The following LRFN5 variants were observed in gnomAD, a reference collection of about 807,000 sequenced individuals.
LRFN5 encodes the protein leucine-rich repeat and fibronectin type-III domain-containing protein 5.
In LRFN5, 24 loss-of-function variants were observed where a neutral mutation model predicts 45.6. The observed-to-expected ratio is 0.53, with a 90% confidence interval of 0.38 to 0.74. LRFN5 has a LOEUF of 0.74. Among genes scored for constraint, LRFN5 ranks in the 30% least tolerant of loss-of-function variants. LRFN5 has a pLI of 0.00. For synonymous variants in LRFN5, 340 were observed against 313.8 expected (o/e 1.08, Z -0.88); for missense variants, 776 against 861.5 (o/e 0.90, Z 1.24).
intron 1 of LRFN5, among the ~76,000 whole-genome samples, chr14:41,638,774 A>C (rs1879426945): frequency 6.6e-6 from 1 of 152,080 alleles, no homozygotes; most frequent in South Asian, 2.1e-4. Context: ...GTAATGTATA[A>C]ACAGATTAAT....
chr14:41,789,521 C>A (rs1429501587), intron 2 of LRFN5, among the ~76,000 whole-genome samples: 1 of 151,884 alleles, frequency 6.6e-6, no homozygotes, highest in African/African-American at 2.4e-5. Context: ...TGCACACATG[C>A]CCTTTGGAGT....
At chr14:41,661,088 G>C (rs1431397650) in intron 1 of LRFN5, among the ~76,000 whole-genome samples, 1 of 151,034 alleles carries the variant, frequency 6.6e-6, no homozygotes, top group African/African-American at 2.4e-5. Context: ...TGCATGTATA[G>C]TACTAGTTCT....
intron 2 of LRFN5, among the ~76,000 whole-genome samples, chr14:41,824,804 T>C (rs1045450521): frequency 6.6e-6 from 1 of 152,056 alleles, no homozygotes; most frequent in Non-Finnish European, 1.5e-5. Context: ...TCATAATTAC[T>C]AGCACTGCCC....
rs1285959227 is a variant in LRFN5 at position 41,727,320 on chromosome 14, T to A, written c.-196-39534T>A. ...TCAGCAATGGAGGTAAAACAGCCAG[T>A]CAGCCAGGCCTCATGGCTCCAAGTT... On this transcript the variant is annotated intron_variant, in intron 1 of 5. Coordinates refer to ENST00000298119, the MANE Select transcript of LRFN5 (RefSeq NM_152447.5). Among the ~76,000 whole-genome samples, 3 of 152,286 alleles carry A rather than the reference T, an allele frequency of 2.0e-5. No individual in the cohort carries two copies. The East Asian group carries it at 5.8e-4, about 29-fold the overall frequency.
chr14:41,698,783 C>A (rs184970171), intron 1 of LRFN5, among the ~76,000 whole-genome samples: 31 of 151,822 alleles, frequency 2.0e-4, no homozygotes, highest in Admixed American at 1.9e-3. Flanking sequence ...TCTTTCAGTT[C>A]TAAAATTATG....
intron 2 of LRFN5, among the ~76,000 whole-genome samples, chr14:41,864,453 G>A (rs1889773528): frequency 6.6e-6 from 1 of 152,134 alleles, no homozygotes; most frequent in South Asian, 2.1e-4. Context: ...TATGTTTGTT[G>A]GCTACATAAA....
intron 2 of LRFN5, among the ~76,000 whole-genome samples, chr14:41,844,516 C>A (rs1194018695): frequency 1.3e-5 from 2 of 151,890 alleles, no homozygotes; most frequent in Admixed American, 1.3e-4. Flanking sequence ...ATTTCTACAA[C>A]CTCCTGGTGA....
rs539014184 is a variant in LRFN5, at chr14:41,809,206, G to A, written c.-21+42177G>A. Among the ~76,000 whole-genome samples, 176 of 151,982 alleles carry A rather than the reference G, an allele frequency of 1.2e-3. 1 individual carries two copies. Among genetic ancestry groups the A allele is most frequent in the Non-Finnish European group, 2.1e-3 (145 of 67,968 alleles). ...CTAGGTAATGCCCATTAGTAGGAAA[G>A]TGATTAAACAAATTATGAAATAGTC... On this transcript the variant is annotated intron_variant, in intron 2 of 5. Coordinates refer to ENST00000298119, the MANE Select transcript of LRFN5 (RefSeq NM_152447.5).
At chr14:41,785,974 G>C (rs114558854) in intron 2 of LRFN5, among the ~76,000 whole-genome samples, 1,772 of 152,248 alleles carry the variant, frequency 0.012, 26 homozygotes, top group African/African-American at 0.04. Flanking sequence ...GCCTCCTGCT[G>C]TGTTAAACAG....
chr14:41,749,170 A>G (rs1168710173), intron 1 of LRFN5, among the ~76,000 whole-genome samples: 1 of 151,838 alleles, frequency 6.6e-6, no homozygotes, highest in Non-Finnish European at 1.5e-5. Flanking sequence ...TCACCTCTTA[A>G]TACTGTTGCA....
At position 41,674,438 on chromosome 14, in the gene LRFN5, C is replaced by T. The variant is rs1283364784; in HGVS notation, c.-197+65876C>T. 1.1e-4 allele frequency among the ~76,000 whole-genome samples: 15 copies of T among 131,302 alleles called. No homozygotes were observed. In the East Asian group the frequency reaches 1.7e-3, roughly 15 times the overall value. 86.1% of individuals were successfully genotyped at this position (131,302 alleles called of 152,430 possible). ...GGCCGGGCAGAGGAGCTCCTCACTT[C>T]CCAGTAGGGGCGGCCGGGCAGAGGC... is the stretch of plus-strand genomic sequence containing the variant. On this transcript the variant is annotated intron_variant, in intron 1 of 5. Coordinates refer to ENST00000298119, the MANE Select transcript of LRFN5 (RefSeq NM_152447.5).
chr14:41,829,858 C>T (rs375876386), intron 2 of LRFN5, among the ~76,000 whole-genome samples: 3 of 149,588 alleles, frequency 2.0e-5, no homozygotes, highest in African/African-American at 7.4e-5. Flanking sequence ...AAATTATTTT[C>T]TTTGTCTCTT....
At chr14:41,880,223 G>C (rs757502235) in intron 2 of LRFN5, among the ~76,000 whole-genome samples, 2 of 151,720 alleles carry the variant, frequency 1.3e-5, no homozygotes, top group Non-Finnish European at 2.9e-5. Flanking sequence ...CACCGCGCCC[G>C]GCCCTCAATC....
chr14:41,673,130 C>G (rs145172421), intron 1 of LRFN5, among the ~76,000 whole-genome samples: 5,982 of 152,088 alleles, frequency 0.039, 368 homozygotes, highest in East Asian at 0.27. Context: ...TACACAGACA[C>G]GGCAACCATC....
At chr14:41,673,339 G>T (rs565540628) in intron 1 of LRFN5, among the ~76,000 whole-genome samples, 2 of 138,028 alleles carry the variant, frequency 1.4e-5, no homozygotes, top group Non-Finnish European at 3.2e-5. Flanking sequence ...CTGGCCGGGC[G>T]GGGGGCTGAC....
intron 1 of LRFN5, chr14:41,731,682 T>C (rs767106686): frequency 9.9e-5 from 15 of 152,176 alleles, no homozygotes; most frequent in Non-Finnish European, 2.1e-4. Flanking sequence ...GCTTCAACTT[T>C]AGCCATCATC....
chr14:41,794,803 T>C (rs936098806), intron 2 of LRFN5, among the ~76,000 whole-genome samples: 3 of 151,940 alleles, frequency 2.0e-5, no homozygotes, highest in Non-Finnish European at 4.4e-5. Flanking sequence ...TTGCAGCATA[T>C]AAAAAAATGC....
chr14:41,647,137 A>C (rs1879855951), intron 1 of LRFN5, among the ~76,000 whole-genome samples: 1 of 152,166 alleles, frequency 6.6e-6, no homozygotes, highest in Non-Finnish European at 1.5e-5. Context: ...TTGGTGTTTA[A>C]CCAATAGCTC....
chr14:41,834,620 G>T (rs1426708689), intron 2 of LRFN5, among the ~76,000 whole-genome samples: 1 of 152,014 alleles, frequency 6.6e-6, no homozygotes, highest in Non-Finnish European at 1.5e-5. Flanking sequence ...ATTATAAAGG[G>T]ACTAATATTT....
Sources: allele counts gnomAD v4.1 joint callset (sites outside exome capture counted in the v4.1 genomes callset), GRCh38; gene constraint gnomAD v4.1.1; transcripts MANE v1.5; gene names NCBI Gene and HGNC (gene_info 2026-07-23, HGNC 2026-07-21).